Variants in CCN6 observed in about 807,000 individuals in gnomAD.
CCN6 encodes cellular communication network factor 6, also known as CCN family member 6.
Under a neutral mutation model 37.4 loss-of-function variants are expected in CCN6, and 31 were observed. The ratio of observed to expected loss-of-function variants is 0.83; its 90% confidence interval spans 0.62 to 1.12. The LOEUF is 1.12. Ranked by LOEUF, CCN6 falls within the 50% of genes most tolerant of loss-of-function variation. The pLI is 0.00. For missense variants in CCN6, 369 were observed against 413.8 expected (o/e 0.89, Z 0.94); for synonymous variants, 137 against 142.1 (o/e 0.96, Z 0.26).
At chr6:112,060,890 T>C in intron 1 of CCN6, 101 bp from the exon 2 acceptor site, 1 of 1,372,824 alleles carries the variant, frequency 7.3e-7, no homozygotes, top group Non-Finnish European at 1.0e-6. Flanking sequence ...TGATTGTAAC[T>C]CACCACTCTG....
In CCN6 at chr6:112,064,984, C is replaced by T. The variant is rs1554313632; in HGVS notation, c.576C>T (p.Tyr192=). The change falls in exon 3 of 5, where the codon TAC becomes TAT. Residue 192 remains tyrosine (Y), a synonymous_variant. Coordinates refer to ENST00000368666, the MANE Select transcript of CCN6 (RefSeq NM_198239.2). ...TACTACAGCAGCTTTCAACAAGCTACAAAACAATGCCAGGTGCTCAGAAGT... is the reference window on the plus strand; with the variant it reads ...TACTACAGCAGCTTTCAACAAGCTATAAAACAATGCCAGGTGCTCAGAAGT... The part of the protein sequence containing the change: ...EPLLQQLSTS[Y]KTMPAYRNLP... The T allele has an allele frequency of 6.2e-7, 1 of 1,613,980 alleles. No homozygotes were observed.
At chr6:112,058,551 T>C (rs1482717157) in intron 1 of CCN6, among the ~76,000 whole-genome samples, 4 of 152,098 alleles carry the variant, frequency 2.6e-5, no homozygotes, top group African/African-American at 9.7e-5. Flanking sequence ...GTAATTTCAG[T>C]TTAAAAATGT....
At chr6:112,054,744 G>GC (rs1345698103) in intron 1 of CCN6, 11 of 289,094 alleles carry the variant, frequency 3.8e-5, no homozygotes, top group African/African-American at 2.4e-4. Context: ...CTCCATGCCA[G>GC]CTCCAGGCGG....
At chr6:112,053,682 C>A (rs1015905375), upstream of CCN6, among the ~76,000 whole-genome samples, 1 of 152,088 alleles carries the variant, frequency 6.6e-6, no homozygotes, top group Non-Finnish European at 1.5e-5. Context: ...CCGCCCCCTG[C>A]TCCATCTGTA....
At chr6:112,065,626 G>GCACA (rs71021870) in intron 3 of CCN6, among the ~76,000 whole-genome samples, 4 of 123,550 alleles carry the variant, frequency 3.2e-5, no homozygotes, top group Non-Finnish European at 7.2e-5. Flanking sequence ...ACACACGCAC[G>GCACA]CACACACACA....
rs1230345 is a variant in CCN6, at chr6:112,061,110, G to T, written c.168G>T (p.Gln56His). The change falls in exon 2 of 5, where the codon CAG becomes CAT. Residue 56 changes from glutamine to histidine, a missense_variant. Physicochemically the swap from Gln to His is conservative, Grantham distance 24 (BLOSUM62 0). Transcript: ENST00000368666. Reference sequence around the variant, plus strand: ...GTCACTGGCCCTGCAAATGCCCTCAGCAGAAGCCCCGTTGCCCTCCTGGAG... The same window carrying T: ...GTCACTGGCCCTGCAAATGCCCTCATCAGAAGCCCCGTTGCCCTCCTGGAG... ...QFCHWPCKCPQQKPRCPPGVS... is the reference protein window; with the variant it reads ...QFCHWPCKCPHQKPRCPPGVS... The T allele has an allele frequency of 0.27, 442,045 of 1,613,864 alleles. 63,175 individuals carry two copies. The highest frequency in any genetic ancestry group is 0.46 in the African/African-American group (34,435 of 74,908).
chr6:112,064,096 A>T (rs1451192118), intron 2 of CCN6, among the ~76,000 whole-genome samples: 1 of 152,236 alleles, frequency 6.6e-6, no homozygotes, highest in Non-Finnish European at 1.5e-5. Context: ...CCAAGGCACC[A>T]GCAGTTCAGT....
intron 3 of CCN6, among the ~76,000 whole-genome samples, chr6:112,065,255 A>T (rs1394380575): frequency 6.6e-6 from 1 of 152,210 alleles, no homozygotes; most frequent in Admixed American, 6.5e-5. Context: ...AAGCTCTACT[A>T]AAATCTTACA....
Position 112,069,420 on chromosome 6 carries a change from C to CA in CCN6, c.866dup (p.Ser290GlufsTer13), listed in dbSNP as rs782450077. ...TGTCTTTTCTGGATGCTCAAGTACT[C>CA]AGAGTTACAAACCCACTTTTTGTGG... On this transcript the variant is annotated frameshift_variant, in exon 5 of 5. Coordinates refer to ENST00000368666, the MANE Select transcript of CCN6 (RefSeq NM_198239.2). LOFTEE classifies it high-confidence loss of function. 7 of 1,613,594 alleles carry CA rather than the reference C, an allele frequency of 4.3e-6. No individual in the cohort carries two copies. The highest frequency in any genetic ancestry group is 4.5e-5 in the East Asian group (2 of 44,834).
Position 112,069,637 on chromosome 6 carries a change from G to A in CCN6, c.*17G>A. On this transcript the variant is annotated 3_prime_UTR_variant, in exon 5 of 5. Transcript: ENST00000368666. ...ATTCTGTAAAACCAAGCAAATGGGGGAAAAGTTAGTCAATCCTGTCATATA... is the reference window on the plus strand; with the variant it reads ...ATTCTGTAAAACCAAGCAAATGGGGAAAAAGTTAGTCAATCCTGTCATATA... 1 of 1,613,272 alleles carries A rather than the reference G, an allele frequency of 6.2e-7. No homozygotes were observed. Among genetic ancestry groups the A allele is most frequent in the Non-Finnish European group, 8.5e-7 (1 of 1,179,670 alleles).
chr6:112,053,644 C>T (rs1453391286), upstream of CCN6, among the ~76,000 whole-genome samples: 3 of 152,074 alleles, frequency 2.0e-5, no homozygotes, highest in East Asian at 1.9e-4. Context: ...CAAAAAGAGG[C>T]GTCTCTCAGG....
At position 112,068,447 on chromosome 6, in the gene CCN6, AAAGT is replaced by A. The variant is rs782794188; in HGVS notation, c.783+53_783+56del. Reference sequence around the variant, plus strand: ...TAATTCAATATTAAGAGATTCCTGAAAAGTAAGCATGTGTGTGTTTTGGAGGGTG... The same window carrying A: ...TAATTCAATATTAAGAGATTCCTGAAAAGCATGTGTGTGTTTTGGAGGGTG... On this transcript the variant is annotated intron_variant, in intron 4 of 4. Transcript: ENST00000368666. 5.9e-6 allele frequency: 9 copies of A among 1,516,170 alleles called. No homozygotes were observed. The South Asian group carries it at 6.0e-5, about 10-fold the overall frequency. The allele number at this position is 1,516,170 out of a possible 1,614,324, so 93.9% of individuals were successfully genotyped here.
chr6:112,065,401 C>T (rs1001183892), intron 3 of CCN6, among the ~76,000 whole-genome samples: 2 of 152,028 alleles, frequency 1.3e-5, no homozygotes, highest in African/African-American at 4.8e-5. Context: ...TAAAAGGTAA[C>T]ATTTCTATGT....
chr6:112,069,475 C>G lies in CCN6; in HGVS notation c.920C>G (p.Pro307Arg), dbSNP rs782131882. ...TGCTTGGATAAGAGATGCTGTATCC[C>G]TAATAAGTCTAAAATGATTACTATT... ...GICLDKRCCIPNKSKMITIQF... is the reference protein window; with the variant it reads ...GICLDKRCCIRNKSKMITIQF... Residue 307 changes from proline to arginine, a missense_variant, in exon 5 of 5, where the codon CCT (proline) becomes CGT (arginine). By Grantham distance (103) the Pro-to-Arg change is moderately radical. Transcript: ENST00000368666. The G allele has an allele frequency of 1.2e-6, 2 of 1,613,684 alleles. No homozygotes were observed. Among genetic ancestry groups the G allele is most frequent in the South Asian group, 1.1e-5 (1 of 91,072 alleles).
At chr6:112,055,754 C>A (rs1776329390) in intron 1 of CCN6, among the ~76,000 whole-genome samples, 1 of 152,088 alleles carries the variant, frequency 6.6e-6, no homozygotes. Flanking sequence ...CCATGCCTTG[C>A]CAATTTTTGT....
intron 1 of CCN6, among the ~76,000 whole-genome samples, chr6:112,059,787 G>C (rs1329848874): frequency 2.0e-5 from 3 of 152,226 alleles, no homozygotes; most frequent in African/African-American, 7.2e-5. Context: ...GATTTATAAA[G>C]ATGGCAGTCA....
intron 1 of CCN6, among the ~76,000 whole-genome samples, chr6:112,058,860 T>C (rs1284067008): frequency 1.3e-5 from 2 of 152,172 alleles, no homozygotes; most frequent in African/African-American, 4.8e-5. Flanking sequence ...TCCAGATGGT[T>C]TTCAGCTTCC....
At chr6:112,063,637 C>G (rs1449422715) in intron 2 of CCN6, among the ~76,000 whole-genome samples, 1 of 152,182 alleles carries the variant, frequency 6.6e-6, no homozygotes, top group Non-Finnish European at 1.5e-5. Flanking sequence ...TCCTTGAAAT[C>G]TTGAATTCTC....
chr6:112,054,088 A>ATAC, upstream of CCN6: 1 of 622,604 alleles, frequency 1.6e-6, no homozygotes, highest in African/African-American at 1.8e-5. Context: ...GAGTCCCGGG[A>ATAC]GGAAAGTGCT....
Sources: gnomAD v4.1 joint callset for allele counts (sites outside exome capture counted in the v4.1 genomes callset) on GRCh38, gnomAD v4.1.1 for gene constraint, MANE v1.5 for transcripts, NCBI Gene and HGNC (gene_info 2026-07-23, HGNC 2026-07-21) for gene names.